Variants in ADAM22 observed in about 807,000 individuals in gnomAD.
ADAM22 encodes the protein disintegrin and metalloproteinase domain-containing protein 22.
Under a neutral mutation model 144.6 loss-of-function variants are expected in ADAM22, and 65 were observed. That is an observed-to-expected ratio of 0.45 (90% CI 0.37 to 0.55). The LOEUF (loss-of-function observed/expected upper bound fraction) is 0.55, where lower values mean the gene tolerates loss of function less well. Ranked by LOEUF, ADAM22 falls within the 20% of genes least tolerant of loss-of-function variation. The pLI is 0.00. For synonymous variants in ADAM22, 391 were observed against 412.6 expected, an observed-to-expected ratio of 0.95 and a Z score of 0.63; for missense variants, 974 against 1,184.9, an observed-to-expected ratio of 0.82 and a Z score of 2.61.
At chr7:88,052,377 C>A (rs890864937) in intron 3 of ADAM22, among the ~76,000 whole-genome samples, 5 of 150,000 alleles carry the variant, frequency 3.3e-5, no homozygotes, top group African/African-American at 9.8e-5. Flanking sequence ...GGCGTGGTGG[C>A]GGGCACCTGT....
intron 3 of ADAM22, among the ~76,000 whole-genome samples, chr7:88,016,726 A>C (rs1796614878): frequency 6.6e-6 from 1 of 152,180 alleles, no homozygotes; most frequent in Admixed American, 6.5e-5. Flanking sequence ...GAGCTAAAAA[A>C]AGTTGAGCTC....
chr7:88,001,012 G>A (rs968634996), intron 3 of ADAM22, among the ~76,000 whole-genome samples: 1 of 152,068 alleles, frequency 6.6e-6, no homozygotes, highest in African/African-American at 2.4e-5. Flanking sequence ...TCATGCAATT[G>A]TTTCTATCTT....
intron 2 of ADAM22, among the ~76,000 whole-genome samples, chr7:87,974,197 G>A (rs1232541739): frequency 6.0e-5 from 9 of 150,974 alleles, no homozygotes; most frequent in Non-Finnish European, 1.0e-4. Flanking sequence ...CCAGCTGCTC[G>A]GGAGGCTGAG....
At chr7:87,934,594 G>T in intron 1 of ADAM22, 44 bp downstream of exon 1, 1 of 1,564,444 alleles carries the variant, frequency 6.4e-7, no homozygotes, top group Non-Finnish European at 8.7e-7. Context: ...ACCATTTCCC[G>T]GGAATCTTTG....
chr7:88,131,210 A>G, intron 10 of ADAM22, 59 bp from the exon 11 acceptor site: 2 of 1,479,934 alleles, frequency 1.4e-6, no homozygotes, highest in South Asian at 1.2e-5. Flanking sequence ...AGTCCTGTTC[A>G]TAAACTATTT....
At chr7:87,938,744 G>A (rs1246772135) in intron 2 of ADAM22, among the ~76,000 whole-genome samples, 1 of 152,090 alleles carries the variant, frequency 6.6e-6, no homozygotes, top group Admixed American at 6.6e-5. Context: ...CCACCTCCCT[G>A]GTTCAAGCGA....
chr7:88,072,135 C>G (rs1813001174), intron 3 of ADAM22, among the ~76,000 whole-genome samples: 1 of 152,180 alleles, frequency 6.6e-6, no homozygotes, highest in Non-Finnish European at 1.5e-5. Flanking sequence ...CAGACTTTCA[C>G]AATATGCAAA....
At chr7:88,059,818 C>T (rs377367249) in intron 3 of ADAM22, among the ~76,000 whole-genome samples, 189 of 152,088 alleles carry the variant, frequency 1.2e-3, no homozygotes, top group South Asian at 7.1e-3. Flanking sequence ...ACATTGGGTA[C>T]GCATGGTGGA....
intron 1 of ADAM22, 126 bp from the exon 2 acceptor site, chr7:87,934,900 G>A (rs755930501): frequency 7.3e-7 from 1 of 1,375,746 alleles, no homozygotes. Context: ...GTTGGGTTCC[G>A]AGAGGGAGGG....
At chr7:88,046,868 A>T (rs761716489) in intron 3 of ADAM22, among the ~76,000 whole-genome samples, 2 of 152,170 alleles carry the variant, frequency 1.3e-5, no homozygotes, top group Non-Finnish European at 2.9e-5. Context: ...TGCACTGGCC[A>T]CTTTGTTGAT....
intron 3 of ADAM22, among the ~76,000 whole-genome samples, chr7:88,010,383 C>T (rs1215332224): frequency 6.6e-6 from 1 of 152,138 alleles, no homozygotes; most frequent in Non-Finnish European, 1.5e-5. Context: ...GCTCGGGTAA[C>T]AAACCACTGG....
At chr7:88,146,945 C>G (rs1836657019) in intron 17 of ADAM22, among the ~76,000 whole-genome samples, 1 of 152,126 alleles carries the variant, frequency 6.6e-6, no homozygotes, top group South Asian at 2.1e-4. Flanking sequence ...GGCTACCACC[C>G]CTGTTTATTC....
intron 3 of ADAM22, among the ~76,000 whole-genome samples, chr7:88,049,587 AG>A (rs1347911524): frequency 2.0e-5 from 3 of 152,070 alleles, no homozygotes; most frequent in Non-Finnish European, 2.9e-5. Flanking sequence ...TAGTAGAGAC[AG>A]GGTTTCTCCA....
At position 87,934,346 on chromosome 7, in the gene ADAM22, G is replaced by T. The variant is rs1283925917; in HGVS notation, c.-120G>T. ...GCAGCGCCACGGCCGCCGCAGCACC[G>T]GCCGGGGCTGGGTGGAGGTGGCCGC... is the stretch of plus-strand genomic sequence containing the variant. On this transcript the variant is annotated 5_prime_UTR_variant, in exon 1 of 32. Transcript: ENST00000413139. The T allele has an allele frequency of 3.4e-6, 3 of 890,890 alleles. No homozygotes were observed. The highest frequency in any genetic ancestry group is 1.6e-6 in the Non-Finnish European group (1 of 607,084). The allele number at this position is 890,890 out of a possible 1,614,324, so 55.2% of individuals were successfully genotyped here. A position where few individuals can be genotyped will look rare whatever the true frequency, so the allele number is the denominator to read the frequency against.
At chr7:87,986,526 G>A (rs1788530332) in intron 3 of ADAM22, among the ~76,000 whole-genome samples, 1 of 152,166 alleles carries the variant, frequency 6.6e-6, no homozygotes, top group Non-Finnish European at 1.5e-5. Flanking sequence ...AGAGGCAACA[G>A]GACCCCAGGG....
At chr7:87,992,701 A>C (rs1216807787) in intron 3 of ADAM22, among the ~76,000 whole-genome samples, 1 of 152,082 alleles carries the variant, frequency 6.6e-6, no homozygotes, top group Admixed American at 6.6e-5. Context: ...CTTTGGACTG[A>C]AAGTAACAAA....
intron 9 of ADAM22, among the ~76,000 whole-genome samples, chr7:88,129,274 C>A (rs1202078683): frequency 1.3e-5 from 2 of 151,930 alleles, no homozygotes; most frequent in East Asian, 3.8e-4. Context: ...CATAGCACAG[C>A]AATGAGTTAT....
chr7:88,006,448 A>C (rs1395748708), intron 3 of ADAM22, among the ~76,000 whole-genome samples: 1 of 152,086 alleles, frequency 6.6e-6, no homozygotes, highest in East Asian at 1.9e-4. Flanking sequence ...GACACAACCA[A>C]AAAAGAGAAT....
intron 2 of ADAM22, among the ~76,000 whole-genome samples, chr7:87,975,258 T>C (rs533452713): frequency 9.8e-5 from 15 of 152,322 alleles, no homozygotes; most frequent in Admixed American, 9.8e-4. Context: ...AGTCTGAGAA[T>C]ACTATGTTTA....
Sources: gnomAD v4.1 joint callset for allele counts (sites outside exome capture counted in the v4.1 genomes callset) on GRCh38, gnomAD v4.1.1 for gene constraint, MANE v1.5 for transcripts, NCBI Gene and HGNC (gene_info 2026-07-23, HGNC 2026-07-21) for gene names.